Variants in CR1 observed in about 807,000 individuals in gnomAD.
CR1 encodes the protein complement C3b/C4b receptor 1 (Knops blood group).
A neutral mutation model predicts 187.3 loss-of-function variants in CR1; 116 were observed. The observed-to-expected ratio is 0.62, with a 90% CI of 0.53 to 0.72. The LOEUF is 0.72. Among genes scored for constraint, CR1 ranks in the 30% least tolerant of loss-of-function variants. The pLI, the probability that CR1 is intolerant of heterozygous loss-of-function variation, is 0.00. For synonymous variants in CR1, 576 were observed against 747.1 expected, an observed-to-expected ratio of 0.77 and a Z score of 3.73; for missense variants, 1,731 against 2,110.7, an observed-to-expected ratio of 0.82 and a Z score of 3.52.
chr1:207,520,733 A>AT (rs1268743116), intron 4 of CR1, among the ~76,000 whole-genome samples: 10 of 152,030 alleles, frequency 6.6e-5, no homozygotes, highest in Non-Finnish European at 1.5e-4. Flanking sequence ...ATATGAAACT[A>AT]TTTTCCTTCA....
chr1:207,619,050 A>AAAAG (rs1553301626), intron 42 of CR1, among the ~76,000 whole-genome samples: 1,480 of 139,096 alleles, frequency 0.011, 44 homozygotes, highest in African/African-American at 0.026. Context: ...AAAAAAAAAA[A>AAAAG]AAAAAGAAAA....
chr1:207,588,899 T>C (rs1234037876), intron 35 of CR1, 125 bp downstream of exon 35: 2 of 637,258 alleles, frequency 3.1e-6, no homozygotes, highest in Non-Finnish European at 2.7e-6. Context: ...ATAGGACTTA[T>C]AGATGGAGAT....
chr1:207,521,047 G>A (rs536816798), intron 4 of CR1, among the ~76,000 whole-genome samples: 1 of 140,180 alleles, frequency 7.1e-6, no homozygotes, highest in South Asian at 2.3e-4. Context: ...GGATATCTCG[G>A]CTCACTGCAA....
intron 4 of CR1, among the ~76,000 whole-genome samples, chr1:207,521,656 A>T (rs1659998269): frequency 1.0e-5 from 1 of 97,068 alleles, no homozygotes; most frequent in Non-Finnish European, 1.9e-5. Context: ...TTTTTGAGAC[A>T]GGGTCTCACT....
intron 42 of CR1, among the ~76,000 whole-genome samples, chr1:207,619,678 C>T (rs1571606158): frequency 6.6e-6 from 1 of 152,250 alleles, no homozygotes; most frequent in Middle Eastern, 3.4e-3. Flanking sequence ...ATTCCATATT[C>T]TATTACTTTA....
At chr1:207,596,927 C>G (rs1287206859) in intron 35 of CR1, among the ~76,000 whole-genome samples, 2 of 148,196 alleles carry the variant, frequency 1.3e-5, no homozygotes, top group Non-Finnish European at 3.0e-5. Flanking sequence ...GTACTATTTT[C>G]TCTTTATTTT....
At chr1:207,564,280 G>A (rs1660417115) in intron 23 of CR1, 46 bp downstream of exon 23, 1 of 1,593,922 alleles carries the variant, frequency 6.3e-7, no homozygotes, top group African/African-American at 1.6e-5. Context: ...AATTGGGGTT[G>A]GGAATCAGTC....
chr1:207,523,937 A>G lies in CR1; in HGVS notation c.814A>G (p.Met272Val), dbSNP rs1274586537. The G allele has an allele frequency of 6.2e-7, 1 of 1,611,524 alleles. No individual in the cohort carries two copies. The highest frequency in any genetic ancestry group is 1.3e-5 in the African/African-American group (1 of 74,788). The change falls in exon 5 of 47, where the codon ATG becomes GTG. Residue 272 changes from methionine (M) to valine (V), a missense_variant. Physicochemically the swap from Met to Val is conservative, Grantham distance 21 (BLOSUM62 1). Around this residue, in one of 5 missense-constraint regions of CR1, gnomAD observed 131 missense variants for 196.8 expected, o/e 0.67. Coordinates refer to ENST00000367049, the MANE Select transcript of CR1 (RefSeq NM_000651.6). Reference sequence around the variant, plus strand: ...GTTTAGGTGTCAGCCTGGCTTTGTCATGAAAGGACCCCGCCGTGTGAAGTG... The same window carrying G: ...GTTTAGGTGTCAGCCTGGCTTTGTCGTGAAAGGACCCCGCCGTGTGAAGTG... ...VEFRCQPGFV[M>V]KGPRRVKCQA...
intron 3 of CR1, among the ~76,000 whole-genome samples, chr1:207,507,764 C>T (rs1173909605): frequency 6.6e-6 from 1 of 152,104 alleles, no homozygotes; most frequent in African/African-American, 2.4e-5. Context: ...CAGCAGTTAT[C>T]CTTCTTGGCA....
At chr1:207,566,848 A>T (rs570998445) in intron 24 of CR1, among the ~76,000 whole-genome samples, 1 of 150,386 alleles carries the variant, frequency 6.6e-6, no homozygotes, top group East Asian at 1.9e-4. Context: ...AAAATCATGA[A>T]ATTTTACTAA....
intron 45 of CR1, among the ~76,000 whole-genome samples, chr1:207,628,922 T>C (rs1288747121): frequency 3.3e-5 from 5 of 152,208 alleles, no homozygotes; most frequent in Admixed American, 3.3e-4. Flanking sequence ...CATCTTTCCA[T>C]ATTGAGATTT....
chr1:207,636,341 C>T (rs1194045899), intron 46 of CR1, among the ~76,000 whole-genome samples: 2 of 152,032 alleles, frequency 1.3e-5, no homozygotes, highest in African/African-American at 2.4e-5. Flanking sequence ...AAAATTTGTT[C>T]CTTTAATTTG....
chr1:207,526,956 AT>A, intron 6 of CR1, 27 bp downstream of exon 6: 1 of 1,372,806 alleles, frequency 7.3e-7, no homozygotes, highest in Non-Finnish European at 9.5e-7. Context: ...CTGGCTTGAT[AT>A]TTTTAGCTTG....
chr1:207,614,560 G>T, intron 40 of CR1, 71 bp downstream of exon 40: 1 of 1,203,640 alleles, frequency 8.3e-7, no homozygotes, highest in Non-Finnish European at 1.2e-6. Flanking sequence ...TTTCCGCATG[G>T]CATCACCTGT....
intron 1 of CR1, among the ~76,000 whole-genome samples, chr1:207,497,327 T>C (rs1659119692): frequency 6.6e-6 from 1 of 152,162 alleles, no homozygotes; most frequent in Non-Finnish European, 1.5e-5. Context: ...TTAGAACCCT[T>C]CTATTATTAT....
At chr1:207,514,053 T>A (rs1659709657) in intron 4 of CR1, among the ~76,000 whole-genome samples, 1 of 152,180 alleles carries the variant, frequency 6.6e-6, no homozygotes, top group African/African-American at 2.4e-5. Flanking sequence ...TGTTGAAGTT[T>A]ATCAAACACT....
intron 4 of CR1, among the ~76,000 whole-genome samples, chr1:207,521,354 T>C (rs1032942455): frequency 6.6e-6 from 1 of 152,176 alleles, no homozygotes; most frequent in African/African-American, 2.4e-5. Context: ...ATTCTTCAAA[T>C]GTTGTTTATG....
intron 4 of CR1, among the ~76,000 whole-genome samples, chr1:207,515,806 C>A (rs995069391): frequency 1.3e-5 from 2 of 152,088 alleles, no homozygotes; most frequent in Non-Finnish European, 2.9e-5. Context: ...GTCTTTCAGG[C>A]TGTGGCTTTT....
rs143495800 is a variant in CR1 at position 207,503,048 on chromosome 1, C to T, written c.122-2856C>T. On this transcript the variant is annotated intron_variant, in intron 1 of 46. Transcript: ENST00000367049. Reference sequence around the variant, plus strand: ...AGCAAAGCAAGCACTCCCACTTTAGCGGAATAATCGAATTTAACTCTTAGA... The same window carrying T: ...AGCAAAGCAAGCACTCCCACTTTAGTGGAATAATCGAATTTAACTCTTAGA... Among the ~76,000 whole-genome samples the T allele has an allele frequency of 2.3e-4, 35 of 152,272 alleles. No individual in the cohort carries two copies. The South Asian group carries it at 2.7e-3, about 12-fold the overall frequency.
Sources: gnomAD v4.1 joint callset for allele counts (sites outside exome capture counted in the v4.1 genomes callset) on GRCh38, gnomAD v4.1.1 for gene constraint, gnomAD v4.1.1 regional missense constraint, MANE v1.5 for transcripts, NCBI Gene and HGNC (gene_info 2026-07-23, HGNC 2026-07-21) for gene names.